Variants in ULK4 observed in about 807,000 individuals in gnomAD.
ULK4 encodes the protein unc-51 like kinase 4, also known as inactive serine/threonine-protein kinase ULK4.
In ULK4, 133 loss-of-function variants were observed where a neutral mutation model predicts 160.6. The ratio of observed to expected loss-of-function variants is 0.83; its 90% CI spans 0.72 to 0.96. The LOEUF (loss-of-function observed/expected upper bound fraction) is 0.96. Ranked by LOEUF, ULK4 falls within the 40% of genes least tolerant of loss-of-function variation. ULK4 has a pLI of 0.00. For synonymous variants in ULK4, 534 were observed against 539.8 expected (o/e 0.99, Z 0.15); for missense variants, 1,580 against 1,499.5 (o/e 1.05, Z -0.89).
At chr3:41,672,518 G>A (rs2035576102) in intron 29 of ULK4, among the ~76,000 whole-genome samples, 1 of 152,112 alleles carries the variant, frequency 6.6e-6, no homozygotes, top group Non-Finnish European at 1.5e-5. Context: ...GTTAGAGGGT[G>A]GAATGATACA....
chr3:41,434,190 A>G (rs2082981495), intron 34 of ULK4, among the ~76,000 whole-genome samples: 1 of 152,238 alleles, frequency 6.6e-6, no homozygotes, highest in South Asian at 2.1e-4. Context: ...TATGAAACAT[A>G]AATGAATTTT....
intron 29 of ULK4, among the ~76,000 whole-genome samples, chr3:41,671,156 T>C (rs2035524934): frequency 6.6e-6 from 1 of 152,118 alleles, no homozygotes; most frequent in African/African-American, 2.4e-5. Context: ...ATGACCATAC[T>C]GCCCAAAGCA....
chr3:41,348,385 A>G (rs1414261919), intron 35 of ULK4, among the ~76,000 whole-genome samples: 1 of 152,108 alleles, frequency 6.6e-6, no homozygotes. Flanking sequence ...AAAGGCTGTC[A>G]TTTAGTGTGT....
chr3:41,363,733 G>A (rs1405294103), intron 35 of ULK4, among the ~76,000 whole-genome samples: 1 of 152,114 alleles, frequency 6.6e-6, no homozygotes, highest in African/African-American at 2.4e-5. Flanking sequence ...TGTGGGCATG[G>A]GCATGCATAT....
intron 32 of ULK4, among the ~76,000 whole-genome samples, chr3:41,549,094 C>T (rs1036664273): frequency 6.6e-6 from 1 of 152,172 alleles, no homozygotes; most frequent in African/African-American, 2.4e-5. Context: ...GTGCCTGTTA[C>T]ACAAGATGCA....
intron 34 of ULK4, among the ~76,000 whole-genome samples, chr3:41,454,539 C>CAAAAAAAAAAAAAAAAAAAAAAAA (rs11286615): frequency 1.1e-5 from 1 of 90,950 alleles, no homozygotes; most frequent in African/African-American, 3.8e-5. Context: ...GACTTCATCT[C>CAAAAAAAAAAAAAAAAAAAAAAAA]AAAAAAAAAA....
chr3:41,886,846 T>TA (rs1400372993), intron 16 of ULK4, among the ~76,000 whole-genome samples: 1 of 152,172 alleles, frequency 6.6e-6, no homozygotes, highest in Non-Finnish European at 1.5e-5. Context: ...AGTGCTGAGA[T>TA]ACAAGTGTGA....
chr3:41,871,960 T>C (rs775811410), intron 17 of ULK4, among the ~76,000 whole-genome samples: 1 of 152,210 alleles, frequency 6.6e-6, no homozygotes, highest in African/African-American at 2.4e-5. Context: ...CAATATATAA[T>C]AAAGACTCTG....
At chr3:41,288,820 A>G (rs150854769) in intron 35 of ULK4, among the ~76,000 whole-genome samples, 96 of 152,344 alleles carry the variant, frequency 6.3e-4, no homozygotes, top group African/African-American at 2.2e-3. Context: ...GTGGCTGTGT[A>G]TACTGAGAGG....
intron 35 of ULK4, among the ~76,000 whole-genome samples, chr3:41,294,491 T>C (rs2079631166): frequency 1.3e-5 from 2 of 152,326 alleles, no homozygotes; most frequent in South Asian, 2.1e-4. Context: ...TTGTGTACCA[T>C]GTTTAAGAGT....
chr3:41,861,480 G>A (rs1716674), intron 17 of ULK4, among the ~76,000 whole-genome samples: 1 of 151,632 alleles, frequency 6.6e-6, no homozygotes, highest in Admixed American at 6.5e-5. Flanking sequence ...TCCCTCCTGG[G>A]CTTTAAGGTT....
intron 35 of ULK4, among the ~76,000 whole-genome samples, chr3:41,288,510 T>C (rs1428922714): frequency 6.6e-6 from 1 of 152,178 alleles, no homozygotes; most frequent in East Asian, 1.9e-4. Flanking sequence ...ACTCTTGGTA[T>C]GATGTGTGGA....
chr3:41,314,232 G>T (rs970322861), intron 35 of ULK4, among the ~76,000 whole-genome samples: 2 of 152,060 alleles, frequency 1.3e-5, no homozygotes, highest in African/African-American at 4.8e-5. Flanking sequence ...ATATTTATGG[G>T]GTATAAGTGC....
intron 31 of ULK4, among the ~76,000 whole-genome samples, chr3:41,609,755 T>C (rs2032574619): frequency 2.6e-5 from 4 of 152,140 alleles, no homozygotes. Context: ...GAAGTCAGCT[T>C]GAGGTCAGGA....
chr3:41,640,051 C>T (rs781259821), intron 30 of ULK4, among the ~76,000 whole-genome samples: 1 of 152,046 alleles, frequency 6.6e-6, no homozygotes, highest in Non-Finnish European at 1.5e-5. Flanking sequence ...GGCTGATGGC[C>T]CATAAAAGCT....
chr3:41,302,898 A>G (rs2079827764), intron 35 of ULK4, among the ~76,000 whole-genome samples: 1 of 152,184 alleles, frequency 6.6e-6, no homozygotes, highest in Non-Finnish European at 1.5e-5. Context: ...AGAAATCTAA[A>G]TGATCTACTC....
intron 21 of ULK4, among the ~76,000 whole-genome samples, chr3:41,770,169 A>C (rs1308247493): frequency 1.3e-5 from 2 of 152,244 alleles, no homozygotes; most frequent in African/African-American, 4.8e-5. Context: ...TCATATTTTA[A>C]ATGCTTGATT....
intron 29 of ULK4, among the ~76,000 whole-genome samples, chr3:41,675,156 C>A (rs956039951): frequency 6.6e-6 from 1 of 151,846 alleles, no homozygotes; most frequent in Non-Finnish European, 1.5e-5. Flanking sequence ...AGGAGAATCG[C>A]CTGAACCCAG....
At chr3:41,773,840 A>G (rs1282299416) in intron 21 of ULK4, among the ~76,000 whole-genome samples, 1 of 152,208 alleles carries the variant, frequency 6.6e-6, no homozygotes, top group African/African-American at 2.4e-5. Flanking sequence ...GGCTACGGTA[A>G]CCAAAACAGC....
Sources: gnomAD v4.1 joint callset for allele counts (sites outside exome capture counted in the v4.1 genomes callset) on GRCh38, gnomAD v4.1.1 for gene constraint, MANE v1.5 for transcripts, NCBI Gene and HGNC (gene_info 2026-07-23, HGNC 2026-07-21) for gene names.